Variants in SYT9 observed in about 807,000 individuals in gnomAD.
SYT9 encodes the protein synaptotagmin-9.
Under a neutral mutation model 48.4 loss-of-function variants are expected in SYT9, and 22 were observed. That is an observed-to-expected ratio of 0.45 (90% CI 0.32 to 0.65). The LOEUF (loss-of-function observed/expected upper bound fraction) is 0.65, where lower values mean the gene tolerates loss of function less well. Ranked by LOEUF, SYT9 falls within the 30% of genes least tolerant of loss-of-function variation. SYT9 has a pLI of 0.03. For synonymous variants in SYT9, 265 were observed against 245.0 expected (o/e 1.08, Z -0.76); for missense variants, 577 against 622.0 (o/e 0.93, Z 0.77).
intron 1 of SYT9, among the ~76,000 whole-genome samples, chr11:7,257,463 C>T (rs1165324244): frequency 6.6e-6 from 1 of 151,904 alleles, no homozygotes; most frequent in African/African-American, 2.4e-5. Flanking sequence ...ACAAATGTCA[C>T]CCTATGTTAA....
rs1418694406 is a variant in SYT9, at chr11:7,386,719, C to T, written c.1045-29323C>T. Among the ~76,000 whole-genome samples the T allele has an allele frequency of 2.0e-5, 3 of 152,136 alleles. No homozygotes were observed. In the East Asian group the frequency reaches 5.8e-4, roughly 29 times the overall value. On this transcript the variant is annotated intron_variant, in intron 3 of 6. Coordinates refer to ENST00000318881, the MANE Select transcript of SYT9 (RefSeq NM_175733.4). ...TTGGTGGGACTGTAAACTAGTTCAACCATTGTGGAAGTCAGTGTGGCGATT... is the reference window on the plus strand; with the variant it reads ...TTGGTGGGACTGTAAACTAGTTCAATCATTGTGGAAGTCAGTGTGGCGATT...
At chr11:7,321,424 G>A (rs923070382) in intron 3 of SYT9, among the ~76,000 whole-genome samples, 2 of 152,120 alleles carry the variant, frequency 1.3e-5, no homozygotes, top group African/African-American at 2.4e-5. Context: ...CTTCATAGTC[G>A]AATACAAATG....
chr11:7,253,155 C>T (rs1195723744), intron 1 of SYT9, among the ~76,000 whole-genome samples: 1 of 152,226 alleles, frequency 6.6e-6, no homozygotes, highest in African/African-American at 2.4e-5. Context: ...CTGGGTCTCC[C>T]AGGTCGTCTC....
intron 1 of SYT9, among the ~76,000 whole-genome samples, chr11:7,239,464 C>A (rs565664660): frequency 1.3e-5 from 2 of 152,248 alleles, no homozygotes; most frequent in South Asian, 4.1e-4. Context: ...CCATCCCAAA[C>A]CTAACACTGG....
chr11:7,466,240 T>C (rs1590049201), intron 6 of SYT9, among the ~76,000 whole-genome samples: 1 of 152,318 alleles, frequency 6.6e-6, no homozygotes, highest in Non-Finnish European at 1.5e-5. Flanking sequence ...GAATGCTCTC[T>C]ATAGACCTCC....
intron 1 of SYT9, among the ~76,000 whole-genome samples, chr11:7,290,209 A>C (rs1410454587): frequency 6.6e-6 from 1 of 152,216 alleles, no homozygotes; most frequent in Admixed American, 6.5e-5. Flanking sequence ...GACACTAGGC[A>C]ACCTTGTAGC....
chr11:7,375,261 C>A (rs928175606), intron 3 of SYT9, among the ~76,000 whole-genome samples: 2 of 152,136 alleles, frequency 1.3e-5, no homozygotes, highest in African/African-American at 4.8e-5. Flanking sequence ...GGCCTCTGTT[C>A]TGTTCTATTG....
intron 6 of SYT9, among the ~76,000 whole-genome samples, chr11:7,454,565 C>A (rs1848113867): frequency 6.6e-6 from 1 of 151,892 alleles, no homozygotes; most frequent in South Asian, 2.1e-4. Flanking sequence ...ATTAAAAATT[C>A]TATAGCCAGG....
chr11:7,369,316 G>A lies in SYT9; in HGVS notation c.1045-46726G>A, dbSNP rs559780341. ...TCGTATTATTTGCCCACTTTTTGATGGTGTTGTTTGTTTTTTTTTTCTTGT... is the reference window on the plus strand; with the variant it reads ...TCGTATTATTTGCCCACTTTTTGATAGTGTTGTTTGTTTTTTTTTTCTTGT... On this transcript the variant is annotated intron_variant, in intron 3 of 6. Transcript: ENST00000318881. 4.2e-5 allele frequency among the ~76,000 whole-genome samples: 6 copies of A among 143,600 alleles called. No individual in the cohort carries two copies. The South Asian group carries it at 1.4e-3, about 32-fold the overall frequency. The allele number at this position is 143,600 out of a possible 152,430, so 94.2% of individuals were successfully genotyped here. A position where few individuals can be genotyped will look rare whatever the true frequency, so the allele number is the denominator to read the frequency against.
At chr11:7,371,373 C>G (rs1398086615) in intron 3 of SYT9, among the ~76,000 whole-genome samples, 2 of 151,924 alleles carry the variant, frequency 1.3e-5, no homozygotes, top group African/African-American at 2.4e-5. Context: ...AAATAATCAT[C>G]TAATAAAATT....
upstream of SYT9, among the ~76,000 whole-genome samples, chr11:7,246,959 AG>A (rs1395335291): frequency 6.6e-6 from 1 of 152,208 alleles, no homozygotes; most frequent in Admixed American, 6.5e-5. Flanking sequence ...TCTCACAGTC[AG>A]AAGTCTGGGA....
chr11:7,390,582 A>G (rs1486282504), intron 3 of SYT9, among the ~76,000 whole-genome samples: 2 of 152,232 alleles, frequency 1.3e-5, no homozygotes, highest in African/African-American at 2.4e-5. Context: ...AAGAAGCATA[A>G]TAAATTCTAG....
At chr11:7,265,147 A>G (rs529794401) in intron 1 of SYT9, among the ~76,000 whole-genome samples, 39 of 152,158 alleles carry the variant, frequency 2.6e-4, no homozygotes, top group Admixed American at 8.5e-4. Context: ...TTTTTTTTGC[A>G]TATGTGCCTG....
Position 7,468,644 on chromosome 11 carries a change from A to C in SYT9, c.*1844A>C. The C allele has an allele frequency of 4.4e-6, 1 of 228,528 alleles. No homozygotes were observed. Among genetic ancestry groups the C allele is most frequent in the African/African-American group, 2.3e-5 (1 of 44,332 alleles). The allele number at this position is 228,528 out of a possible 1,614,324, so 14.2% of individuals were successfully genotyped here. A position where few individuals can be genotyped will look rare whatever the true frequency, so the allele number is the denominator to read the frequency against. ...AGAAGAATGGTCCCAGAGAAAGCAG[A>C]CTGGCTCCAATAGATATCAGGCAGC... On this transcript the variant is annotated 3_prime_UTR_variant, in exon 7 of 7. Transcript: ENST00000318881.
chr11:7,417,868 C>A (rs747512849), intron 4 of SYT9, 89 bp from the exon 5 acceptor site: 2 of 1,400,484 alleles, frequency 1.4e-6, no homozygotes, highest in South Asian at 1.4e-5. Context: ...TTCAGCATAC[C>A]ATAGTCCATG....
chr11:7,309,617 G>A (rs575353081), intron 2 of SYT9, among the ~76,000 whole-genome samples: 10 of 152,204 alleles, frequency 6.6e-5, no homozygotes, highest in East Asian at 1.9e-4. Context: ...TCTATATTCC[G>A]TATCTTTCCT....
chr11:7,401,195 C>T (rs1185547010), intron 3 of SYT9, among the ~76,000 whole-genome samples: 5 of 151,740 alleles, frequency 3.3e-5, no homozygotes, highest in African/African-American at 9.7e-5. Flanking sequence ...AATTACTAAA[C>T]AACTTTTTTT....
chr11:7,456,441 G>C (rs1261295865), intron 6 of SYT9, among the ~76,000 whole-genome samples: 1 of 152,216 alleles, frequency 6.6e-6, no homozygotes, highest in Non-Finnish European at 1.5e-5. Context: ...CAGCAGGCTG[G>C]TTACACCTCC....
At chr11:7,365,723 T>G (rs1435763512) in intron 3 of SYT9, among the ~76,000 whole-genome samples, 1 of 152,246 alleles carries the variant, frequency 6.6e-6, no homozygotes, top group Non-Finnish European at 1.5e-5. Flanking sequence ...TCAGGGGATT[T>G]CATACCTGTT....
Sources: allele counts gnomAD v4.1 joint callset (sites outside exome capture counted in the v4.1 genomes callset), GRCh38; gene constraint gnomAD v4.1.1; transcripts MANE v1.5; gene names NCBI Gene and HGNC (gene_info 2026-07-23, HGNC 2026-07-21).